The following UNKL variants were observed in gnomAD, a reference collection of about 807,000 sequenced individuals.
UNKL encodes the protein putative E3 ubiquitin-protein ligase UNKL.
A neutral mutation model predicts 78.0 loss-of-function variants in UNKL; 60 were observed. The observed-to-expected ratio is 0.77, with a 90% CI of 0.63 to 0.95. The LOEUF (loss-of-function observed/expected upper bound fraction) is 0.95. Ranked by LOEUF, UNKL falls within the 40% of genes least tolerant of loss-of-function variation. The probability of loss-of-function intolerance (pLI) is 0.00; values close to 1 mark genes in which losing one functional copy is unlikely to be tolerated. For synonymous variants in UNKL, 608 were observed against 474.8 expected, an observed-to-expected ratio of 1.28 and a Z score of -3.65; for missense variants, 1,159 against 1,045.7, an observed-to-expected ratio of 1.11 and a Z score of -1.49.
Position 1,365,062 on chromosome 16 carries a change from C to G in UNKL, c.*1178G>C, listed in dbSNP as rs367749527. The G allele has an allele frequency of 2.0e-5, 3 of 151,566 alleles. No individual in the cohort carries two copies. In the East Asian group the frequency reaches 5.8e-4, roughly 29 times the overall value. 9.4% of individuals were successfully genotyped at this position (151,566 alleles called of 1,614,324 possible). On this transcript the variant is annotated 3_prime_UTR_variant, in exon 15 of 15. Coordinates refer to ENST00000389221, the MANE Select transcript of UNKL (RefSeq NM_001372107.1). The stretch of plus-strand genomic sequence containing the variant: ...GGGCTGGAGTGCGGTGGCGCGATCT[C>G]GGCTCACTGCAACCTCTGCCTCCCA...
intron 6 of UNKL, among the ~76,000 whole-genome samples, chr16:1,394,827 C>A (rs141545726): frequency 0.021 from 3,179 of 152,332 alleles, 50 homozygotes; most frequent in Middle Eastern, 0.041. Context: ...GCCCCACCCC[C>A]CCATGGCCCT....
chr16:1,388,396 T>C (rs1023389053), intron 9 of UNKL, among the ~76,000 whole-genome samples: 4 of 152,118 alleles, frequency 2.6e-5, no homozygotes, highest in African/African-American at 9.7e-5. Context: ...GGCCGCCTCC[T>C]TCCCGCCTGT....
At position 1,405,542 on chromosome 16, in the gene UNKL, C is replaced by A. The variant is rs186602595; in HGVS notation, c.288-2198G>T. On this transcript the variant is annotated intron_variant, in intron 2 of 14. Transcript: ENST00000389221. ...AGTGAACCGAGATCGCGCCACTGTACTCCAGGCTGGGTGACAAGGGCAAAA... is the reference window on the plus strand; with the variant it reads ...AGTGAACCGAGATCGCGCCACTGTAATCCAGGCTGGGTGACAAGGGCAAAA... 2.0e-4 allele frequency among the ~76,000 whole-genome samples: 30 copies of A among 151,686 alleles called. No homozygotes were observed. In the East Asian group the frequency reaches 5.4e-3, roughly 27 times the overall value.
chr16:1,412,685 C>T (rs1177710971), intron 2 of UNKL, among the ~76,000 whole-genome samples: 1 of 152,186 alleles, frequency 6.6e-6, no homozygotes, highest in Non-Finnish European at 1.5e-5. Flanking sequence ...CATCAAGAGA[C>T]GAAACATCCC....
rs2036762873 is a variant in UNKL at position 1,385,238 on chromosome 16, G to A, written c.1234C>T (p.Pro412Ser). 1.0e-5 allele frequency: 13 copies of A among 1,305,492 alleles called. 1 individual carries two copies. The South Asian group carries it at 2.9e-4, about 29-fold the overall frequency. 80.9% of individuals were successfully genotyped at this position (1,305,492 alleles called of 1,614,324 possible). Residue 412 changes from proline to serine, a missense_variant, in exon 10 of 15, where the codon CCC (proline) becomes TCC (serine). Transcript: ENST00000389221. ...APPARALPLG[P>S]ASSTVEAVLG... ...ACGGCCTCCACAGTGCTGCTGGCGG[G>A]GCCGAGCGGGAGGGCACGGGCGGGG... is the stretch of plus-strand genomic sequence containing the variant.
Position 1,413,649 on chromosome 16 carries a change from C to T in UNKL, c.287+197G>A, listed in dbSNP as rs149428975. Among the ~76,000 whole-genome samples, 503 of 152,366 alleles carry T rather than the reference C, an allele frequency of 3.3e-3. 3 individuals carry two copies. Among genetic ancestry groups the T allele is most frequent in the African/African-American group, 0.011 (472 of 41,594 alleles). ...GGGTTACCCCTAAAACACACATAATCCCTCGGGAACTGGCCTGAGAATAGG... is the reference window on the plus strand; with the variant it reads ...GGGTTACCCCTAAAACACACATAATTCCTCGGGAACTGGCCTGAGAATAGG... On this transcript the variant is annotated intron_variant, in intron 2 of 14. Coordinates refer to ENST00000389221, the MANE Select transcript of UNKL (RefSeq NM_001372107.1).
At chr16:1,391,049 T>A (rs1177291584) in intron 8 of UNKL, among the ~76,000 whole-genome samples, 1 of 150,504 alleles carries the variant, frequency 6.6e-6, no homozygotes, top group East Asian at 2.0e-4. Flanking sequence ...GAATAAAAAA[T>A]TTAAAAAAGG....
chr16:1,393,102 C>A, intron 7 of UNKL, 126 bp from the exon 8 acceptor site: 1 of 958,802 alleles, frequency 1.0e-6, no homozygotes, highest in South Asian at 1.5e-5. Context: ...CTCAGGGGTG[C>A]GGCAGAGGAC....
Position 1,403,411 on chromosome 16 carries a change from G to T in UNKL, c.288-67C>A. 2 of 1,504,982 alleles carry T rather than the reference G, an allele frequency of 1.3e-6. No individual in the cohort carries two copies. The highest frequency in any genetic ancestry group is 1.8e-6 in the Non-Finnish European group (2 of 1,125,346). 93.2% of individuals were successfully genotyped at this position (1,504,982 alleles called of 1,614,324 possible). ...CCAGAGGCAGCCCTAAGCTCCCTGG[G>T]TCCACGCCCTGTCAGCACGTGGCAA... On this transcript the variant is annotated intron_variant, in intron 2 of 14. Coordinates refer to ENST00000389221, the MANE Select transcript of UNKL (RefSeq NM_001372107.1). This position sits in a 1 kb window ranked among gnomAD's most constrained non-coding sequence, Gnocchi z 4.8.
rs1249264132 is a variant in UNKL at position 1,364,385 on chromosome 16, A to G, written c.*1855T>C. On this transcript the variant is annotated 3_prime_UTR_variant, in exon 15 of 15. Coordinates refer to ENST00000389221, the MANE Select transcript of UNKL (RefSeq NM_001372107.1). ...TTTTTACCTAGACGTTTTGCACTTA[A>G]AAAATGCTATTAAAAGTCTTTGGCA... 3 of 152,256 alleles carry G rather than the reference A, an allele frequency of 2.0e-5. No homozygotes were observed. Among genetic ancestry groups the G allele is most frequent in the African/African-American group, 4.8e-5 (2 of 41,464 alleles). The allele number at this position is 152,256 out of a possible 1,614,324, so 9.4% of individuals were successfully genotyped here. A position where few individuals can be genotyped will look rare whatever the true frequency, so the allele number is the denominator to read the frequency against.
intron 9 of UNKL, among the ~76,000 whole-genome samples, chr16:1,386,300 C>T (rs991425465): frequency 3.9e-5 from 6 of 152,268 alleles, no homozygotes; most frequent in South Asian, 2.1e-4. Flanking sequence ...CACCTGTAAT[C>T]GCAGCACTTT....
chr16:1,367,132 A>G lies in UNKL; in HGVS notation c.2006T>C (p.Leu669Pro), dbSNP rs1398008915. The G allele has an allele frequency of 6.3e-7, 1 of 1,594,956 alleles. No homozygotes were observed. Residue 669 changes from leucine (L) to proline (P), a missense_variant, in exon 14 of 15, where the codon CTG becomes CCG. Coordinates refer to ENST00000389221, the MANE Select transcript of UNKL (RefSeq NM_001372107.1). ...GTIPLPKLHS[L>P]QSQLRLDLEA... ...CAGGTCCAGGCGCAGCTGACTCTGC[A>G]GCGAGTGCAGCTTCGGCAGGGGAAT... is the stretch of plus-strand genomic sequence containing the variant.
chr16:1,401,523 G>GGGGGGGGC, intron 4 of UNKL, 45 bp downstream of exon 4: 2 of 1,470,316 alleles, frequency 1.4e-6, no homozygotes, highest in Non-Finnish European at 1.8e-6. Context: ...CTCGCGCTGT[G>GGGGGGGGC]CCCGCCCCCC....
At chr16:1,390,757 C>T (rs962411724) in intron 8 of UNKL, 63 bp from the exon 9 acceptor site, 35 of 1,521,662 alleles carry the variant, frequency 2.3e-5, no homozygotes, top group Non-Finnish European at 7.1e-6. Context: ...TAAAAACATA[C>T]AATTCAGGCT....
intron 2 of UNKL, among the ~76,000 whole-genome samples, chr16:1,405,486 G>T (rs972321822): frequency 6.6e-6 from 1 of 151,678 alleles, no homozygotes; most frequent in East Asian, 1.9e-4. Flanking sequence ...CTGAGGCAGG[G>T]AATTACTTGA....
At position 1,403,063 on chromosome 16, in the gene UNKL, G is replaced by A; in HGVS notation, c.464+105C>T. ...TGGAGGAGAGAGATTTGGGCCAGCA[G>A]AGCCTGCAGCAGCAGGGAGGCGAGC... On this transcript the variant is annotated intron_variant, in intron 3 of 14. Transcript: ENST00000389221. The surrounding 1 kb of genome is among the most constrained non-coding windows in gnomAD (Gnocchi z 4.8). The A allele has an allele frequency of 7.5e-7, 1 of 1,334,154 alleles. No individual in the cohort carries two copies. Among genetic ancestry groups the A allele is most frequent in the East Asian group, 2.5e-5 (1 of 39,268 alleles). 82.6% of individuals were successfully genotyped at this position (1,334,154 alleles called of 1,614,324 possible).
intron 2 of UNKL, among the ~76,000 whole-genome samples, chr16:1,406,397 G>C (rs1461595031): frequency 6.6e-6 from 1 of 152,098 alleles, no homozygotes; most frequent in East Asian, 1.9e-4. Context: ...ATATTTAGTA[G>C]AGACAGGGTT....
chr16:1,390,743 A>C, intron 8 of UNKL, 49 bp from the exon 9 acceptor site: 1 of 1,531,646 alleles, frequency 6.5e-7, no homozygotes, highest in Non-Finnish European at 8.7e-7. Flanking sequence ...GAGGAAATGT[A>C]AATTAAAAAC....
chr16:1,399,439 G>T lies in UNKL; in HGVS notation c.669C>A (p.Gly223=). 1 of 1,605,758 alleles carries T rather than the reference G, an allele frequency of 6.2e-7. No homozygotes were observed. Among genetic ancestry groups the T allele is most frequent in the Admixed American group, 1.7e-5 (1 of 59,232 alleles). The change falls in exon 5 of 15, where the codon GGC becomes GGA. Residue 223 remains glycine, a synonymous_variant. Transcript: ENST00000389221. The surrounding 1 kb of genome is among the most constrained non-coding windows in gnomAD (Gnocchi z 5.8). The part of the protein sequence containing the change: ...CPKPPRLCRQ[G]YACPHYHNSR... ...TATTGTGGTAGTGTGGGCACGCATA[G>T]CCCTGGCGGCACAGGCGTGGCGGCT...
Sources: gnomAD v4.1 joint callset for allele counts (sites outside exome capture counted in the v4.1 genomes callset) on GRCh38, gnomAD v4.1.1 for gene constraint, Gnocchi (gnomAD v3.1) non-coding constraint, MANE v1.5 for transcripts, NCBI Gene and HGNC (gene_info 2026-07-23, HGNC 2026-07-21) for gene names.